MPHOSPH9: variants seen among roughly 807,000 people sequenced by gnomAD.
MPHOSPH9 encodes the protein M-phase phosphoprotein 9.
A neutral mutation model predicts 145.5 loss-of-function variants in MPHOSPH9; 88 were observed. The ratio of observed to expected loss-of-function variants is 0.60; its 90% CI spans 0.51 to 0.72. MPHOSPH9 has a LOEUF of 0.72. MPHOSPH9 is among the 30% of genes least tolerant of loss of function. The pLI is 0.00. For missense variants in MPHOSPH9, 1,238 were observed against 1,386.6 expected (o/e 0.89, Z 1.70); for synonymous variants, 435 against 486.2 (o/e 0.89, Z 1.39).
At position 123,202,813 on chromosome 12, in the gene MPHOSPH9, C is replaced by T; in HGVS notation, c.1592G>A (p.Arg531Lys). The change falls in exon 10 of 24, where the codon AGG (arginine) becomes AAG (lysine). Residue 531 changes from arginine to lysine, a missense_variant. Physicochemically the swap from Arg to Lys is conservative, Grantham distance 26. Around this residue, in one of 3 missense-constraint regions of MPHOSPH9, gnomAD observed 837 missense variants for 897.5 expected, o/e 0.93. Transcript: ENST00000606320. ...WKNQTFQNES[R>K]TSSTFPSVYT... ...TACTGACGGAAACGTGGAACTGGTC[C>T]TACTTTCGTTTTGGAATGTCTGATT... 4 of 1,614,128 alleles carry T rather than the reference C, an allele frequency of 2.5e-6. No individual in the cohort carries two copies. The highest frequency in any genetic ancestry group is 3.4e-6 in the Non-Finnish European group (4 of 1,180,026).
chr12:123,197,298 C>A (rs528098238), intron 12 of MPHOSPH9, among the ~76,000 whole-genome samples: 15 of 151,984 alleles, frequency 9.9e-5, no homozygotes, highest in Admixed American at 6.6e-5. Context: ...CCTCCTGCCT[C>A]AGTCTCCCGA....
At chr12:123,219,649 T>A (rs1369393930) in intron 5 of MPHOSPH9, among the ~76,000 whole-genome samples, 2 of 151,850 alleles carry the variant, frequency 1.3e-5, no homozygotes, top group Non-Finnish European at 2.9e-5. Context: ...CCCTTCCAAG[T>A]GCTAAATGTA....
At position 123,156,221 on chromosome 12, in the gene MPHOSPH9, A is replaced by G. The variant is rs1464111243; in HGVS notation, c.*586T>C. Reference sequence around the variant, plus strand: ...TTACAGACAATAAAGTTTAAAGAAAATGAGTTATATTCATGTAGTTTTCAA... The same window carrying G: ...TTACAGACAATAAAGTTTAAAGAAAGTGAGTTATATTCATGTAGTTTTCAA... On this transcript the variant is annotated 3_prime_UTR_variant, in exon 24 of 24. Coordinates refer to ENST00000606320, the MANE Select transcript of MPHOSPH9 (RefSeq NM_022782.4). The G allele has an allele frequency of 2.0e-5, 3 of 152,360 alleles. No homozygotes were observed. Among genetic ancestry groups the G allele is most frequent in the African/African-American group, 7.2e-5 (3 of 41,576 alleles). 9.4% of individuals were successfully genotyped at this position (152,360 alleles called of 1,614,324 possible). A position where few individuals can be genotyped will look rare whatever the true frequency, so the allele number is the denominator to read the frequency against.
intron 12 of MPHOSPH9, among the ~76,000 whole-genome samples, chr12:123,196,361 C>G (rs1054492713): frequency 2.0e-5 from 3 of 152,030 alleles, no homozygotes; most frequent in African/African-American, 7.2e-5. Flanking sequence ...AACAAAAAAA[C>G]AAAATAGACA....
chr12:123,206,654 C>T (rs1403530411), intron 8 of MPHOSPH9, among the ~76,000 whole-genome samples: 1 of 151,118 alleles, frequency 6.6e-6, no homozygotes. Flanking sequence ...TGGCTCACAC[C>T]TGTAATCCCA....
intron 14 of MPHOSPH9, among the ~76,000 whole-genome samples, chr12:123,180,635 G>A (rs2138090258): frequency 6.6e-6 from 1 of 152,296 alleles, no homozygotes; most frequent in South Asian, 2.1e-4. Context: ...CACTCAGGGA[G>A]GCTGACACAG....
rs572752845 is a variant in MPHOSPH9, at chr12:123,205,933, A to G, written c.1195-2558T>C. Among the ~76,000 whole-genome samples, 6 of 152,300 alleles carry G rather than the reference A, an allele frequency of 3.9e-5. No individual in the cohort carries two copies. In the South Asian group the frequency reaches 1.2e-3, roughly 32 times the overall value. On this transcript the variant is annotated intron_variant, in intron 8 of 23. Transcript: ENST00000606320. ...TTGGAAGACAAACCTACACACTACA[A>G]TGAAGCTCCTGAGGACCAATATTTA... is the stretch of plus-strand genomic sequence containing the variant.
chr12:123,232,728 C>A lies in MPHOSPH9; in HGVS notation c.-159+347G>T, dbSNP rs539582090. ...AAGCAGGGAGGACGGAGAAAAGCCA[C>A]CGCTCCTGCAACTACAACCGCGATT... is the stretch of plus-strand genomic sequence containing the variant. On this transcript the variant is annotated intron_variant, in intron 1 of 23. Coordinates refer to ENST00000606320, the MANE Select transcript of MPHOSPH9 (RefSeq NM_022782.4). Among the ~76,000 whole-genome samples, 16 of 152,254 alleles carry A rather than the reference C, an allele frequency of 1.1e-4. No individual in the cohort carries two copies. The South Asian group carries it at 3.1e-3, about 30-fold the overall frequency.
At chr12:123,210,706 A>AAAT (rs1286883372) in intron 7 of MPHOSPH9, among the ~76,000 whole-genome samples, 1 of 151,922 alleles carries the variant, frequency 6.6e-6, no homozygotes, top group Non-Finnish European at 1.5e-5. Flanking sequence ...AAAAAAATTA[A>AAAT]AATAATAATA....
At chr12:123,217,994 A>G (rs1201007327) in intron 6 of MPHOSPH9, among the ~76,000 whole-genome samples, 1 of 151,608 alleles carries the variant, frequency 6.6e-6, no homozygotes, top group Non-Finnish European at 1.5e-5. Flanking sequence ...GCAGTGAGCC[A>G]AGATTGTGCC....
intron 16 of MPHOSPH9, among the ~76,000 whole-genome samples, chr12:123,174,270 C>T (rs894627167): frequency 1.3e-5 from 2 of 152,090 alleles, no homozygotes; most frequent in South Asian, 2.1e-4. Flanking sequence ...TCTCTCTATC[C>T]AACACCAGTG....
At chr12:123,222,401 C>T (rs1218112725) in intron 4 of MPHOSPH9, among the ~76,000 whole-genome samples, 1 of 151,006 alleles carries the variant, frequency 6.6e-6, no homozygotes, top group East Asian at 2.0e-4. Flanking sequence ...TGTGGTGGCT[C>T]ACGCCTGTAA....
rs1178961885 is a variant in MPHOSPH9 at position 123,227,538 on chromosome 12, A to G, written c.183T>C (p.Val61=). 1.3e-6 allele frequency: 2 copies of G among 1,533,248 alleles called. No homozygotes were observed. Among genetic ancestry groups the G allele is most frequent in the Non-Finnish European group, 1.7e-6 (2 of 1,145,088 alleles). 95.0% of individuals were successfully genotyped at this position (1,533,248 alleles called of 1,614,324 possible). ...CTTGCATTAAAGAAGTTAGGACTTC[A>G]ACTGTACCTTGAATTACAGATGGTC... ...KTRPSVIQGT[V]EVLTSLMQEL... Residue 61 remains valine, a synonymous_variant, in exon 3 of 24, where the codon GTT becomes GTC. Transcript: ENST00000606320.
chr12:123,199,267 G>A (rs770701150), intron 11 of MPHOSPH9, among the ~76,000 whole-genome samples: 3 of 152,110 alleles, frequency 2.0e-5, no homozygotes, highest in East Asian at 3.9e-4. Context: ...GTACTATTTC[G>A]AATTTAGCAC....
At chr12:123,152,928 C>G (rs940266267), downstream of MPHOSPH9, 1 of 155,830 alleles carries the variant, frequency 6.4e-6, no homozygotes. Context: ...CTAGTGAAAA[C>G]TTGAGATAAT....
In MPHOSPH9 at chr12:123,156,918, A is replaced by G; in HGVS notation, c.3451-10T>C. ...GATCTTCCAAGGCTTCCTAGGTGAA[A>G]ACAATGGGAAAAGTTTAATTAGAAT... On this transcript the variant is annotated splice_polypyrimidine_tract_variant and intron_variant, in intron 23 of 23. Coordinates refer to ENST00000606320, the MANE Select transcript of MPHOSPH9 (RefSeq NM_022782.4). 1 of 1,588,714 alleles carries G rather than the reference A, an allele frequency of 6.3e-7. No homozygotes were observed. The highest frequency in any genetic ancestry group is 8.6e-7 in the Non-Finnish European group (1 of 1,160,828).
chr12:123,168,719 A>T (rs1261032421), intron 16 of MPHOSPH9, among the ~76,000 whole-genome samples: 2 of 149,642 alleles, frequency 1.3e-5, no homozygotes, highest in East Asian at 3.9e-4. Context: ...CCCTCCTCAA[A>T]CCTCCCATCC....
At chr12:123,182,262 T>TG (rs1555220952) in intron 13 of MPHOSPH9, among the ~76,000 whole-genome samples, 6 of 110,366 alleles carry the variant, frequency 5.4e-5, no homozygotes, top group Non-Finnish European at 9.2e-5. Flanking sequence ...TTTTTTTTTG[T>TG]TTTTTTTTTT....
intron 23 of MPHOSPH9, among the ~76,000 whole-genome samples, chr12:123,157,707 G>A (rs890371487): frequency 6.6e-6 from 1 of 151,642 alleles, no homozygotes. Flanking sequence ...GGCTGGTCTC[G>A]AACTCCTGGC....
Sources: gnomAD v4.1 joint callset for allele counts (sites outside exome capture counted in the v4.1 genomes callset) on GRCh38, gnomAD v4.1.1 for gene constraint, gnomAD v4.1.1 regional missense constraint, MANE v1.5 for transcripts, NCBI Gene and HGNC (gene_info 2026-07-23, HGNC 2026-07-21) for gene names.